The following ZNF875 variants were observed in gnomAD, a reference collection of about 807,000 sequenced individuals.
ZNF875 encodes HKR1, GLI-Kruppel zinc finger family member.
Under a neutral mutation model 11.2 loss-of-function variants are expected in ZNF875, and 14 were observed. The observed-to-expected ratio is 1.26, with a 90% CI of 0.83 to 1.96. The LOEUF is 1.96. ZNF875 is among the 30% of genes most tolerant of loss of function. The pLI is 0.00. For missense variants in ZNF875, 752 were observed against 760.4 expected (o/e 0.99, Z 0.13); for synonymous variants, 301 against 281.1 (o/e 1.07, Z -0.71).
At position 37,363,676 on chromosome 19, in the gene ZNF875, G is replaced by GAT. The variant is rs1568679293; in HGVS notation, c.1825_1826insTA (p.Thr609IlefsTer69). On this transcript the variant is annotated frameshift_variant, in exon 5 of 5. Transcript: ENST00000392153. LOFTEE classifies it low-confidence loss of function (END_TRUNC). ...AGTCACACCTCATTAGACACCAGAGGACACATTCAGGAGAGAAGCCTTATA... is the reference window on the plus strand; with the variant it reads ...AGTCACACCTCATTAGACACCAGAGGATACACATTCAGGAGAGAAGCCTTATA... 7 of 1,613,460 alleles carry GAT rather than the reference G, an allele frequency of 4.3e-6. No individual in the cohort carries two copies. The South Asian group carries it at 7.7e-5, about 18-fold the overall frequency.
intron 1 of ZNF875, 38 bp downstream of exon 1, chr19:37,334,820 T>C (rs757977301): frequency 4.4e-6 from 2 of 458,510 alleles, no homozygotes; most frequent in Non-Finnish European, 8.8e-6. Flanking sequence ...CCCCTCTGCG[T>C]GTCCCTGTGT....
intron 2 of ZNF875, among the ~76,000 whole-genome samples, chr19:37,322,459 A>G (rs993803779): frequency 3.3e-5 from 5 of 152,202 alleles, no homozygotes; most frequent in African/African-American, 1.2e-4. Context: ...ACCAGAGAGA[A>G]TACCGTAAGG....
Position 37,363,790 on chromosome 19 carries a change from T to C in ZNF875, c.*15T>C, listed in dbSNP as rs1365648652. 2 of 1,602,274 alleles carry C rather than the reference T, an allele frequency of 1.2e-6. No homozygotes were observed. The highest frequency in any genetic ancestry group is 1.7e-5 in the Admixed American group (1 of 59,794). ...ACTCAGGATAGAAACTTTATGTGTA[T>C]AGGGAATGTGGTACAGCCTTTAGCC... On this transcript the variant is annotated 3_prime_UTR_variant, in exon 5 of 5. Coordinates refer to ENST00000392153, the MANE Select transcript of ZNF875 (RefSeq NM_001353803.2).
chr19:37,363,398 A>G lies in ZNF875; in HGVS notation c.1546A>G (p.Asn516Asp). 6.2e-7 allele frequency: 1 copy of G among 1,613,968 alleles called. No individual in the cohort carries two copies. The highest frequency in any genetic ancestry group is 8.5e-7 in the Non-Finnish European group (1 of 1,179,944). Residue 516 changes from asparagine (N) to aspartate (D), a missense_variant, in exon 5 of 5, where the codon AAT (asparagine) becomes GAT (aspartate). Asn to Asp is a conservative substitution (Grantham distance 23). Transcript: ENST00000392153. ...ATGTGCTGAGTGTGGACGAGGCTTT[A>G]ATGATAAGTCCACCCTCATTTCACA... ...FVCAECGRGF[N>D]DKSTLISHQR...
At chr19:37,325,610 A>G (rs2032300200) in intron 4 of ZNF875, among the ~76,000 whole-genome samples, 2 of 151,516 alleles carry the variant, frequency 1.3e-5, no homozygotes, top group Non-Finnish European at 2.9e-5. Context: ...CAGTGGCACC[A>G]GCATAGCTCA....
chr19:37,357,115 G>T (rs4803347), intron 4 of ZNF875, among the ~76,000 whole-genome samples: 1 of 152,012 alleles, frequency 6.6e-6, no homozygotes, highest in Non-Finnish European at 1.5e-5. Context: ...CAGCTTTCTC[G>T]TAGATCAGTT....
At chr19:37,339,290 A>T (rs1318700388) in intron 2 of ZNF875, among the ~76,000 whole-genome samples, 1 of 152,094 alleles carries the variant, frequency 6.6e-6, no homozygotes, top group African/African-American at 2.4e-5. Context: ...AAAGGTGTAG[A>T]AACAGCCAAC....
chr19:37,331,385 C>A (rs112447286), upstream of ZNF875, among the ~76,000 whole-genome samples: 932 of 152,000 alleles, frequency 6.1e-3, 6 homozygotes, highest in South Asian at 0.025. Flanking sequence ...GTGGCCACCA[C>A]GCCCATGTGG....
chr19:37,333,114 T>G (rs1405824751), upstream of ZNF875, among the ~76,000 whole-genome samples: 2 of 152,250 alleles, frequency 1.3e-5, no homozygotes, highest in African/African-American at 4.8e-5. Context: ...CTTGACCTGC[T>G]GTTACATTAT....
At chr19:37,346,567 G>C (rs965503776) in intron 2 of ZNF875, 3 of 154,144 alleles carry the variant, frequency 1.9e-5, no homozygotes, top group Admixed American at 1.9e-4. Context: ...AGTAGTCTCA[G>C]AAAATTTTCA....
intron 1 of ZNF875, among the ~76,000 whole-genome samples, chr19:37,319,258 C>G (rs1599846315): frequency 6.7e-6 from 1 of 149,384 alleles, no homozygotes; most frequent in Admixed American, 6.7e-5. Context: ...GTTGGTCAAG[C>G]TGGTTTCGAA....
rs1306330790 is a variant in ZNF875, at chr19:37,361,896, G to A, written c.257-213G>A. The A allele has an allele frequency of 9.5e-6, 5 of 525,220 alleles. No homozygotes were observed. The East Asian group carries it at 1.3e-4, about 14-fold the overall frequency. 32.5% of individuals were successfully genotyped at this position (525,220 alleles called of 1,614,324 possible). A position where few individuals can be genotyped will look rare whatever the true frequency, so the allele number is the denominator to read the frequency against. ...CGCACCACTGCACTCCAGCTTGGGT[G>A]AAAGAAAGACTCCGTTTAAAAAAAA... On this transcript the variant is annotated intron_variant, in intron 4 of 4. Coordinates refer to ENST00000392153, the MANE Select transcript of ZNF875 (RefSeq NM_001353803.2).
chr19:37,331,932 C>T (rs1184799279), upstream of ZNF875, among the ~76,000 whole-genome samples: 4 of 131,296 alleles, frequency 3.0e-5, no homozygotes, highest in Admixed American at 7.9e-5. Context: ...TGGAATGTCT[C>T]GGTATAAAAC....
chr19:37,342,407 G>A (rs947328115), intron 2 of ZNF875, among the ~76,000 whole-genome samples: 4 of 141,114 alleles, frequency 2.8e-5, no homozygotes, highest in Non-Finnish European at 4.7e-5. Context: ...ACATCCAACT[G>A]AATTTTTTTT....
chr19:37,356,647 T>C (rs896067857), intron 4 of ZNF875, among the ~76,000 whole-genome samples: 3 of 152,212 alleles, frequency 2.0e-5, no homozygotes, highest in Admixed American at 6.5e-5. Flanking sequence ...TCTGTTTATG[T>C]CCTTTGCTCA....
intron 4 of ZNF875, chr19:37,357,818 G>A (rs577269160): frequency 2.3e-5 from 9 of 392,718 alleles, no homozygotes; most frequent in East Asian, 7.2e-5. Flanking sequence ...GATTCTTGGC[G>A]AACAGAGATA....
At chr19:37,322,526 C>G (rs981082554) in intron 2 of ZNF875, among the ~76,000 whole-genome samples, 15 of 152,184 alleles carry the variant, frequency 9.9e-5, no homozygotes, top group African/African-American at 3.4e-4. Flanking sequence ...AGTCAATGAG[C>G]ATTCAGTATA....
upstream of ZNF875, among the ~76,000 whole-genome samples, chr19:37,333,671 CACTGACAATTCA>C (rs2033747212): frequency 6.6e-6 from 1 of 152,066 alleles, no homozygotes; most frequent in African/African-American, 2.4e-5. Flanking sequence ...AAAGATGACT[CACTGACAATTCA>C]ACAATTGTCC....
At position 37,363,066 on chromosome 19, in the gene ZNF875, A is replaced by G. The variant is rs1223728177; in HGVS notation, c.1214A>G (p.Gln405Arg). Residue 405 changes from glutamine to arginine, a missense_variant, in exon 5 of 5, where the codon CAG becomes CGG. Transcript: ENST00000392153. The stretch of plus-strand genomic sequence containing the variant: ...AGGGAGTGTGAGCAAGGCTTTAGCC[A>G]GAAGTCACACCTCATCAGACACTTA... ...ICRECEQGFS[Q>R]KSHLIRHLRT... 2 of 1,613,644 alleles carry G rather than the reference A, an allele frequency of 1.2e-6. No homozygotes were observed. Among genetic ancestry groups the G allele is most frequent in the Non-Finnish European group, 1.7e-6 (2 of 1,179,894 alleles).
Sources: allele counts gnomAD v4.1 joint callset (sites outside exome capture counted in the v4.1 genomes callset), GRCh38; gene constraint gnomAD v4.1.1; transcripts MANE v1.5; gene names NCBI Gene and HGNC (gene_info 2026-07-23, HGNC 2026-07-21).